The following SLC30A7 variants were observed in gnomAD, a reference collection of about 807,000 sequenced individuals.
SLC30A7 encodes the protein solute carrier family 30 member 7, also known as zinc transporter 7.
In SLC30A7, 35 loss-of-function variants were observed where a neutral mutation model predicts 46.0. That is an observed-to-expected ratio of 0.76 (90% CI 0.58 to 1.01). The LOEUF (loss-of-function observed/expected upper bound fraction) is 1.01, where lower values mean the gene tolerates loss of function less well. Among genes scored for constraint, SLC30A7 ranks in the 50% least tolerant of loss-of-function variants. The pLI is 0.00. For synonymous variants in SLC30A7, 147 were observed against 157.8 expected, an observed-to-expected ratio of 0.93 and a Z score of 0.51; for missense variants, 464 against 451.1, an observed-to-expected ratio of 1.03 and a Z score of -0.26.
At chr1:100,906,647 CT>C (rs2101009264) in intron 2 of SLC30A7, among the ~76,000 whole-genome samples, 1 of 152,260 alleles carries the variant, frequency 6.6e-6, no homozygotes, top group African/African-American at 2.4e-5. Flanking sequence ...CTCGCAGCAG[CT>C]GGGCTTTTCC....
At chr1:100,962,745 A>G (rs557613770) in intron 9 of SLC30A7, among the ~76,000 whole-genome samples, 1 of 152,358 alleles carries the variant, frequency 6.6e-6, no homozygotes, top group South Asian at 2.1e-4. Flanking sequence ...TTAAGAGATT[A>G]TTGTGTTTTC....
At chr1:100,910,398 T>A (rs909716822) in intron 3 of SLC30A7, among the ~76,000 whole-genome samples, 1 of 152,112 alleles carries the variant, frequency 6.6e-6, no homozygotes, top group Non-Finnish European at 1.5e-5. Flanking sequence ...CAGAACTCAA[T>A]GGAACAAAAG....
chr1:100,908,912 G>A (rs1487477087), intron 3 of SLC30A7, among the ~76,000 whole-genome samples: 1 of 151,952 alleles, frequency 6.6e-6, no homozygotes, highest in Non-Finnish European at 1.5e-5. Flanking sequence ...ATTGTCTCCT[G>A]CTCTAAAATG....
rs913626695 is a variant in SLC30A7 at position 100,923,305 on chromosome 1, C to A, written c.842+1464C>A. 5.0e-4 allele frequency among the ~76,000 whole-genome samples: 53 copies of A among 105,874 alleles called. 6 individuals carry two copies. The highest frequency in any genetic ancestry group is 1.8e-3 in the African/African-American group (50 of 27,546). The allele number at this position is 105,874 out of a possible 152,430, so 69.5% of individuals were successfully genotyped here. On this transcript the variant is annotated intron_variant, in intron 8 of 10. Transcript: ENST00000357650. ...TGCTGGGATTACAGGCGTGAGCCAC[C>A]GCGCCCAGCCTAGAATAGATTTAAT...
At chr1:100,995,024 T>G in the SLC30A7 span, 1 of 952,200 alleles carries the variant, frequency 1.1e-6, no homozygotes, top group Admixed American at 2.0e-5. Context: ...TTCAACCATC[T>G]TTAGAACTCA....
rs753324946 is a variant in SLC30A7 at position 100,913,758 on chromosome 1, G to T, written c.607G>T (p.Ala203Ser). The T allele has an allele frequency of 1.2e-6, 2 of 1,613,782 alleles. No homozygotes were observed. Among genetic ancestry groups the T allele is most frequent in the Non-Finnish European group, 1.7e-6 (2 of 1,179,834 alleles). The part of the protein sequence containing the change: ...CHSHEVKHGA[A>S]HSHDHAHGHG... ...TAGCCATGAAGTGAAACATGGTGCT[G>T]CACATAGCCATGATCATGCTCATGG... The change falls in exon 6 of 11, where the codon GCA (alanine) becomes TCA (serine). Residue 203 changes from alanine to serine, a missense_variant. Physicochemically the swap from Ala to Ser is moderately conservative, Grantham distance 99. Coordinates refer to ENST00000357650, the MANE Select transcript of SLC30A7 (RefSeq NM_133496.5).
At chr1:100,988,779 G>A in the SLC30A7 span, among the ~76,000 whole-genome samples, 1 of 152,070 alleles carries the variant, frequency 6.6e-6, no homozygotes, top group African/African-American at 2.4e-5. Flanking sequence ...GAACCTGGGA[G>A]GCAGAGGTTG....
chr1:100,932,150 C>T (rs1324087397), intron 8 of SLC30A7, among the ~76,000 whole-genome samples: 3 of 152,294 alleles, frequency 2.0e-5, no homozygotes, highest in African/African-American at 7.2e-5. Flanking sequence ...CACGGTTGCT[C>T]ATGCCTGTAA....
chr1:100,915,770 A>G (rs1027153299), intron 6 of SLC30A7, among the ~76,000 whole-genome samples: 20 of 152,124 alleles, frequency 1.3e-4, no homozygotes, highest in Admixed American at 1.3e-3. Flanking sequence ...TGAGCTCTTG[A>G]TTTCAATTCT....
chr1:100,941,531 C>A, intron 8 of SLC30A7: 7 of 541,820 alleles, frequency 1.3e-5, no homozygotes, highest in South Asian at 1.0e-4. Flanking sequence ...TTTTTTCTTG[C>A]CATTGCCTTG....
chr1:100,918,251 C>T (rs1652717866), intron 7 of SLC30A7, 124 bp downstream of exon 7: 1 of 706,704 alleles, frequency 1.4e-6, no homozygotes, highest in Non-Finnish European at 2.4e-6. Context: ...TTAGTGTTAG[C>T]CTTTCTAGTG....
At chr1:100,952,554 C>T (rs1207734683) in intron 8 of SLC30A7, among the ~76,000 whole-genome samples, 1 of 152,038 alleles carries the variant, frequency 6.6e-6, no homozygotes, top group Non-Finnish European at 1.5e-5. Context: ...GTAATTGACT[C>T]TTACTCATTC....
At chr1:100,943,728 T>C (rs1424455755) in intron 8 of SLC30A7, among the ~76,000 whole-genome samples, 1 of 152,192 alleles carries the variant, frequency 6.6e-6, no homozygotes, top group African/African-American at 2.4e-5. Flanking sequence ...TTTTGTAATA[T>C]TACATCATCA....
chr1:100,984,622 C>T (rs1212059476), downstream of SLC30A7, among the ~76,000 whole-genome samples: 1 of 152,176 alleles, frequency 6.6e-6, no homozygotes, highest in African/African-American at 2.4e-5. Flanking sequence ...CCATAAAGAG[C>T]AATCTGATAA....
chr1:100,929,752 G>A (rs1653556067), intron 8 of SLC30A7, among the ~76,000 whole-genome samples: 1 of 151,906 alleles, frequency 6.6e-6, no homozygotes, highest in Admixed American at 6.6e-5. Flanking sequence ...CAGACAAAGG[G>A]TGATAATAAA....
intron 3 of SLC30A7, among the ~76,000 whole-genome samples, chr1:100,908,264 ACT>A (rs1651826379): frequency 6.6e-6 from 1 of 151,656 alleles, no homozygotes; most frequent in African/African-American, 2.4e-5. Flanking sequence ...GCAGGCACAC[ACT>A]CTTTCTTTCA....
At chr1:100,972,152 T>A in intron 10 of SLC30A7, 1 of 186,446 alleles carries the variant, frequency 5.4e-6, no homozygotes. Context: ...ATCTGAGTAG[T>A]GTTTTCATCT....
Position 100,911,114 on chromosome 1 carries a change from C to T in SLC30A7, c.348C>T (p.Ile116=), listed in dbSNP as rs1162438872. The T allele has an allele frequency of 1.9e-6, 3 of 1,611,010 alleles. No individual in the cohort carries two copies. Among genetic ancestry groups the T allele is most frequent in the South Asian group, 2.2e-5 (2 of 90,670 alleles). ...LAGFVNGLFL[I]FTAFFIFSEG... is the part of the protein sequence containing the mutation. ...GCTTTGTCAATGGCCTATTTTTGAT[C>T]TTCACTGCTTTTTTTATTTTCTCAG... is the stretch of plus-strand genomic sequence containing the variant. Residue 116 remains isoleucine, a synonymous_variant, in exon 4 of 11, where the codon ATC becomes ATT. Transcript: ENST00000357650.
chr1:100,946,372 A>C (rs767377410), intron 8 of SLC30A7, among the ~76,000 whole-genome samples: 2 of 152,224 alleles, frequency 1.3e-5, no homozygotes, highest in Admixed American at 1.3e-4. Context: ...GCCGGTTTTC[A>C]AAGGAAATGC....
Sources: gnomAD v4.1 joint callset for allele counts (sites outside exome capture counted in the v4.1 genomes callset) on GRCh38, gnomAD v4.1.1 for gene constraint, MANE v1.5 for transcripts, NCBI Gene and HGNC (gene_info 2026-07-23, HGNC 2026-07-21) for gene names.